Variants in PPP1R12B observed in about 807,000 individuals in gnomAD.
The protein encoded by PPP1R12B is protein phosphatase 1 regulatory subunit 12B.
In PPP1R12B, 76 loss-of-function variants were observed where a neutral mutation model predicts 126.1. The observed-to-expected ratio is 0.60, with a 90% CI of 0.50 to 0.73. PPP1R12B has a LOEUF of 0.73. Among genes scored for constraint, PPP1R12B ranks in the 30% least tolerant of loss-of-function variants. The probability of loss-of-function intolerance (pLI) is 0.00; values close to 1 mark genes in which losing one functional copy is unlikely to be tolerated. For missense variants in PPP1R12B, 1,052 were observed against 1,205.1 expected (o/e 0.87, Z 1.88); for synonymous variants, 356 against 434.7 (o/e 0.82, Z 2.25).
At chr1:202,466,177 CT>C (rs1674958787) in intron 13 of PPP1R12B, among the ~76,000 whole-genome samples, 1 of 152,198 alleles carries the variant, frequency 6.6e-6, no homozygotes, top group Non-Finnish European at 1.5e-5. Context: ...TCCAATTTCA[CT>C]TTATCCATTT....
At chr1:202,353,474 T>C (rs1656403481) in intron 1 of PPP1R12B, among the ~76,000 whole-genome samples, 3 of 152,028 alleles carry the variant, frequency 2.0e-5, no homozygotes, top group African/African-American at 7.2e-5. Flanking sequence ...ATGTTGGACC[T>C]CAAAGCCATA....
At position 202,508,764 on chromosome 1, in the gene PPP1R12B, C is replaced by T. The variant is rs185243611; in HGVS notation, c.2490+11942C>T. On this transcript the variant is annotated intron_variant, in intron 18 of 23. Transcript: ENST00000608999. The surrounding 1 kb of genome is among the most constrained non-coding windows in gnomAD (Gnocchi z 4.5). ...GCTGTTGTGAAGAGTCAACACTCTG[C>T]CTTTCTGAGGCTGATAGGGAAAGCA... 2.5e-3 allele frequency among the ~76,000 whole-genome samples: 379 copies of T among 152,330 alleles called. 1 individual carries two copies. Among genetic ancestry groups the T allele is most frequent in the African/African-American group, 8.1e-3 (335 of 41,574 alleles).
chr1:202,482,431 T>C (rs573808315), intron 13 of PPP1R12B, among the ~76,000 whole-genome samples: 11 of 152,350 alleles, frequency 7.2e-5, no homozygotes, highest in African/African-American at 2.6e-4. Context: ...ATGGTCATTC[T>C]AAGTGGTGTG....
intron 22 of PPP1R12B, among the ~76,000 whole-genome samples, chr1:202,568,268 T>A (rs1305789521): frequency 1.3e-5 from 2 of 152,164 alleles, no homozygotes; most frequent in Non-Finnish European, 2.9e-5. Context: ...CTCTGCCATT[T>A]AGGTCTTACG....
intron 1 of PPP1R12B, among the ~76,000 whole-genome samples, chr1:202,381,481 A>G (rs1028516357): frequency 1.4e-5 from 2 of 145,232 alleles, no homozygotes; most frequent in Non-Finnish European, 3.0e-5. Flanking sequence ...AAGACTACTC[A>G]TGGAGCAGTC....
At chr1:202,382,603 A>G (rs1198709860) in intron 1 of PPP1R12B, among the ~76,000 whole-genome samples, 10 of 151,694 alleles carry the variant, frequency 6.6e-5, no homozygotes, top group Admixed American at 6.6e-4. Flanking sequence ...GTGGCTGGGC[A>G]TGGTGGCTCA....
chr1:202,387,570 A>G (rs554406396), intron 1 of PPP1R12B, among the ~76,000 whole-genome samples: 1 of 152,284 alleles, frequency 6.6e-6, no homozygotes, highest in African/African-American at 2.4e-5. Flanking sequence ...ACTTGGCTTC[A>G]TTTTAATGTT....
chr1:202,367,769 T>C (rs1165883565), intron 1 of PPP1R12B, among the ~76,000 whole-genome samples: 2 of 152,046 alleles, frequency 1.3e-5, no homozygotes, highest in African/African-American at 4.8e-5. Context: ...AATCTACAGT[T>C]TGATGGGTTT....
intron 18 of PPP1R12B, among the ~76,000 whole-genome samples, chr1:202,547,880 A>G (rs1411087469): frequency 2.6e-5 from 4 of 152,226 alleles, no homozygotes; most frequent in Non-Finnish European, 5.9e-5. Context: ...ACATTGGGAG[A>G]GCCAAAAGAC....
chr1:202,578,533 T>G (rs1689296050), intron 23 of PPP1R12B, among the ~76,000 whole-genome samples: 1 of 152,240 alleles, frequency 6.6e-6, no homozygotes, highest in Non-Finnish European at 1.5e-5. Flanking sequence ...AGAGCTGCTT[T>G]GATTAAATCA....
chr1:202,555,864 G>A (rs908605512), intron 18 of PPP1R12B, among the ~76,000 whole-genome samples: 1 of 151,620 alleles, frequency 6.6e-6, no homozygotes, highest in African/African-American at 2.4e-5. Flanking sequence ...AGCATCAATA[G>A]CCAATATAAT....
chr1:202,589,329 CTG>C lies in PPP1R12B; in HGVS notation c.*8773_*8774del, dbSNP rs1690020071. 6.6e-6 allele frequency: 1 copy of C among 152,136 alleles called. No homozygotes were observed. The highest frequency in any genetic ancestry group is 1.5e-5 in the Non-Finnish European group (1 of 68,052). 9.4% of individuals were successfully genotyped at this position (152,136 alleles called of 1,614,324 possible). A position where few individuals can be genotyped will look rare whatever the true frequency, so the allele number is the denominator to read the frequency against. On this transcript the variant is annotated 3_prime_UTR_variant, in exon 24 of 24. Transcript: ENST00000608999. ...GCCCTGCCTCTGGCTTTGCTCAGCCCTGTGTTTCCTGCCAAGCGGAAATCCCT... is the reference window on the plus strand; with the variant it reads ...GCCCTGCCTCTGGCTTTGCTCAGCCCTGTTTCCTGCCAAGCGGAAATCCCT...
In PPP1R12B at chr1:202,589,829, A is replaced by G. The variant is rs1341226191; in HGVS notation, c.*9269A>G. The stretch of plus-strand genomic sequence containing the variant: ...ATGCTCCCTCAGGTGGGCAGCTCCC[A>G]TCCCTGCTTGCATTCACTGCCCCCA... On this transcript the variant is annotated 3_prime_UTR_variant, in exon 24 of 24. Transcript: ENST00000608999. 1 of 152,346 alleles carries G rather than the reference A, an allele frequency of 6.6e-6. No individual in the cohort carries two copies. Among genetic ancestry groups the G allele is most frequent in the East Asian group, 1.9e-4 (1 of 5,164 alleles). The allele number at this position is 152,346 out of a possible 1,614,324, so 9.4% of individuals were successfully genotyped here.
intron 1 of PPP1R12B, among the ~76,000 whole-genome samples, chr1:202,361,448 T>C (rs1262720832): frequency 6.6e-6 from 1 of 152,056 alleles, no homozygotes; most frequent in Non-Finnish European, 1.5e-5. Context: ...CCATACTCTT[T>C]TAAACAATCA....
intron 21 of PPP1R12B, among the ~76,000 whole-genome samples, chr1:202,566,244 A>T (rs939107789): frequency 7.9e-5 from 12 of 152,340 alleles, no homozygotes; most frequent in Middle Eastern, 3.4e-3. Context: ...TGAAAATAAA[A>T]TCAGCCTTTC....
chr1:202,573,249 G>A (rs1003316317), intron 23 of PPP1R12B, among the ~76,000 whole-genome samples: 1 of 152,068 alleles, frequency 6.6e-6, no homozygotes, highest in African/African-American at 2.4e-5. Flanking sequence ...CTTACAGTGG[G>A]CAAGGAAGAT....
chr1:202,390,661 G>C (rs12139874), intron 1 of PPP1R12B, among the ~76,000 whole-genome samples: 10,444 of 127,486 alleles, frequency 0.082, 468 homozygotes, highest in Middle Eastern at 0.15. Flanking sequence ...ATCACATCCA[G>C]CTTTTTTTTT....
intron 19 of PPP1R12B, among the ~76,000 whole-genome samples, chr1:202,561,039 A>G (rs1558375681): frequency 6.6e-6 from 1 of 151,844 alleles, no homozygotes; most frequent in Non-Finnish European, 1.5e-5. Flanking sequence ...TAAAAAAAAT[A>G]AAAGCCCTAC....
chr1:202,584,145 C>T lies in PPP1R12B; in HGVS notation c.*3585C>T, dbSNP rs1349700253. 6.6e-6 allele frequency: 1 copy of T among 152,136 alleles called. No homozygotes were observed. Among genetic ancestry groups the T allele is most frequent in the African/African-American group, 2.4e-5 (1 of 41,410 alleles). The allele number at this position is 152,136 out of a possible 1,614,324, so 9.4% of individuals were successfully genotyped here. A position where few individuals can be genotyped will look rare whatever the true frequency, so the allele number is the denominator to read the frequency against. ...ACATGCTTTGGGCTTACTCAGTGTA[C>T]CAGATTCTCTAGTGGGCCATTCTCA... On this transcript the variant is annotated 3_prime_UTR_variant, in exon 24 of 24. Transcript: ENST00000608999.
Sources: allele counts gnomAD v4.1 joint callset (sites outside exome capture counted in the v4.1 genomes callset), GRCh38; gene constraint gnomAD v4.1.1; non-coding constraint Gnocchi (gnomAD v3.1); transcripts MANE v1.5; gene names NCBI Gene and HGNC (gene_info 2026-07-23, HGNC 2026-07-21).